FAM76B: variants seen among roughly 807,000 people sequenced by gnomAD.
FAM76B encodes protein FAM76B.
Under a neutral mutation model 51.8 loss-of-function variants are expected in FAM76B, and 16 were observed. The ratio of observed to expected loss-of-function variants is 0.31; its 90% CI spans 0.21 to 0.47. The LOEUF is 0.47. Among genes scored for constraint, FAM76B ranks in the 20% least tolerant of loss-of-function variants. The pLI, the probability that FAM76B is intolerant of heterozygous loss-of-function variation, is 1.00. For synonymous variants in FAM76B, 166 were observed against 129.5 expected (o/e 1.28, Z -1.91); for missense variants, 342 against 392.6 (o/e 0.87, Z 1.09).
Position 95,783,245 on chromosome 11 carries a change from CATA to C in FAM76B, c.380_382del (p.Leu127del), listed in dbSNP as rs1366028724. The C allele has an allele frequency of 6.2e-7, 1 of 1,611,602 alleles. No homozygotes were observed. Among genetic ancestry groups the C allele is most frequent in the Admixed American group, 1.7e-5 (1 of 59,880 alleles). On this transcript the variant is annotated inframe_deletion, in exon 5 of 10. Coordinates refer to ENST00000358780, the MANE Select transcript of FAM76B (RefSeq NM_144664.5). ...TTTGTACGATAAAGTACAGAGCCAG[CATA>C]ATAACTTTCCATCAACCTTTTAAGA... is the stretch of plus-strand genomic sequence containing the variant.
chr11:95,787,712 G>C (rs562940625), intron 2 of FAM76B, 34 bp from the exon 3 acceptor site: 2 of 1,533,608 alleles, frequency 1.3e-6, no homozygotes, highest in South Asian at 2.3e-5. Flanking sequence ...TCATGTTTAT[G>C]TAGCTTTCTA....
chr11:95,775,965 T>C lies in FAM76B; in HGVS notation c.887A>G (p.Asn296Ser). Reference sequence around the variant, plus strand: ...TTCTTTGTGGGCTTTTTCCATACTGTTCATTTTTGTTCTCAAATTTGACTC... The same window carrying C: ...TTCTTTGTGGGCTTTTTCCATACTGCTCATTTTTGTTCTCAAATTTGACTC... ...YQESNLRTKMNSMEKAHKETV... is the reference protein window; with the variant it reads ...YQESNLRTKMSSMEKAHKETV... The change falls in exon 9 of 10, where the codon AAC becomes AGC. Residue 296 changes from asparagine to serine, a missense_variant. By Grantham distance (46) the Asn-to-Ser change is conservative. Around this residue, in one of 3 missense-constraint regions of FAM76B, gnomAD observed 230 missense variants for 257.4 expected, o/e 0.89. Coordinates refer to ENST00000358780, the MANE Select transcript of FAM76B (RefSeq NM_144664.5). The C allele has an allele frequency of 6.3e-7, 1 of 1,595,946 alleles. No individual in the cohort carries two copies.
chr11:95,787,385 C>T (rs977909116), intron 3 of FAM76B, among the ~76,000 whole-genome samples: 1 of 152,154 alleles, frequency 6.6e-6, no homozygotes, highest in Admixed American at 6.5e-5. Context: ...AGGCGCCCAC[C>T]ACCATACCCG....
chr11:95,776,968 T>C (rs1243353748), intron 8 of FAM76B, among the ~76,000 whole-genome samples: 1 of 151,120 alleles, frequency 6.6e-6, no homozygotes, highest in African/African-American at 2.4e-5. Flanking sequence ...ATTCAAAGTA[T>C]AACTAAGTTC....
intron 7 of FAM76B, chr11:95,779,246 A>T (rs1860145669): frequency 2.3e-6 from 2 of 878,636 alleles, no homozygotes; most frequent in Non-Finnish European, 3.4e-6. Flanking sequence ...TAATGAACTA[A>T]AACAAAGTAA....
intron 9 of FAM76B, among the ~76,000 whole-genome samples, chr11:95,773,471 A>AG (rs1555035378): frequency 6.6e-6 from 1 of 150,792 alleles, no homozygotes; most frequent in Non-Finnish European, 1.5e-5. Flanking sequence ...AAAAAAAAAA[A>AG]AAAATCAATG....
chr11:95,776,617 G>A lies in FAM76B; in HGVS notation c.829-594C>T, dbSNP rs1253767797. 2.0e-5 allele frequency among the ~76,000 whole-genome samples: 3 copies of A among 151,110 alleles called. No homozygotes were observed. The Admixed American group carries it at 2.0e-4, about 10-fold the overall frequency. ...AACACAGAATGAGAAAGGAAAGAAG[G>A]TTACTATAAAATTTGGGCTAAATTA... On this transcript the variant is annotated intron_variant, in intron 8 of 9. Transcript: ENST00000358780.
chr11:95,788,982 G>C (rs990297354), intron 1 of FAM76B: 64 of 1,350,424 alleles, frequency 4.7e-5, no homozygotes, highest in Non-Finnish European at 6.0e-5. Flanking sequence ...CAGCTTTGCG[G>C]CTTCGGGTTC....
At chr11:95,773,744 G>T (rs1859875205) in intron 9 of FAM76B, among the ~76,000 whole-genome samples, 1 of 151,206 alleles carries the variant, frequency 6.6e-6, no homozygotes, top group South Asian at 2.1e-4. Context: ...CAAATGTTAG[G>T]TCCCTTTTCC....
chr11:95,773,016 G>A (rs1175892183), intron 9 of FAM76B, among the ~76,000 whole-genome samples: 1 of 150,600 alleles, frequency 6.6e-6, no homozygotes, highest in African/African-American at 2.4e-5. Context: ...TTCAAATTTT[G>A]AGTCTGCAAA....
intron 3 of FAM76B, chr11:95,786,486 T>C (rs1565296291): frequency 2.2e-6 from 1 of 461,586 alleles, no homozygotes; most frequent in Non-Finnish European, 3.8e-6. Flanking sequence ...TAACTATTAC[T>C]CTAAGATCGT....
At chr11:95,780,249 G>A (rs1732045415) in intron 5 of FAM76B, among the ~76,000 whole-genome samples, 1 of 151,784 alleles carries the variant, frequency 6.6e-6, no homozygotes, top group South Asian at 2.1e-4. Context: ...CTGTACTTTG[G>A]CTGCCCTTAC....
chr11:95,771,474 T>C lies in FAM76B; in HGVS notation c.*87A>G. 1.0e-6 allele frequency: 1 copy of C among 978,800 alleles called. No individual in the cohort carries two copies. Among genetic ancestry groups the C allele is most frequent in the South Asian group, 1.5e-5 (1 of 64,586 alleles). 60.6% of individuals were successfully genotyped at this position (978,800 alleles called of 1,614,324 possible). ...AATTCATTTGGTGTGCAAAAATATT[T>C]TTCTACTACACAGAATTTAAGGGCT... On this transcript the variant is annotated 3_prime_UTR_variant, in exon 10 of 10. Transcript: ENST00000358780.
intron 5 of FAM76B, among the ~76,000 whole-genome samples, chr11:95,780,621 A>G (rs186557575): frequency 2.7e-4 from 41 of 152,108 alleles, no homozygotes; most frequent in Admixed American, 2.3e-3. Context: ...CTAAACTTGC[A>G]TATCAGTCAA....
intron 9 of FAM76B, among the ~76,000 whole-genome samples, chr11:95,773,226 TGC>T: frequency 6.6e-6 from 1 of 151,148 alleles, no homozygotes; most frequent in Admixed American, 6.6e-5. Context: ...TTCCATTTAA[TGC>T]TTTGGTAGCT....
chr11:95,778,731 A>G, intron 8 of FAM76B, 91 bp downstream of exon 8: 2 of 1,433,684 alleles, frequency 1.4e-6, no homozygotes, highest in Non-Finnish European at 9.2e-7. Flanking sequence ...AAACATTACC[A>G]AATTATTAAA....
intron 5 of FAM76B, among the ~76,000 whole-genome samples, chr11:95,780,848 A>C (rs1860228653): frequency 6.6e-6 from 1 of 152,062 alleles, no homozygotes; most frequent in Admixed American, 6.6e-5. Context: ...CACTTAGTAC[A>C]GTGCTAGCAT....
chr11:95,782,774 A>T (rs942086156), intron 5 of FAM76B, among the ~76,000 whole-genome samples: 12 of 152,190 alleles, frequency 7.9e-5, no homozygotes, highest in Non-Finnish European at 1.3e-4. Context: ...GAGGCTTTTG[A>T]TAAGTTATTT....
At chr11:95,789,268 G>A (rs1449439720) in intron 1 of FAM76B, 124 bp downstream of exon 1, 14 of 1,099,328 alleles carry the variant, frequency 1.3e-5, no homozygotes, top group Middle Eastern at 2.9e-4. Context: ...GTGGGGAGGC[G>A]AGGGCTCCAG....
Sources: gnomAD v4.1 joint callset for allele counts (sites outside exome capture counted in the v4.1 genomes callset) on GRCh38, gnomAD v4.1.1 for gene constraint, gnomAD v4.1.1 regional missense constraint, MANE v1.5 for transcripts, NCBI Gene and HGNC (gene_info 2026-07-23, HGNC 2026-07-21) for gene names.